Variants in KLF15 observed in about 807,000 individuals in gnomAD.
KLF15 encodes KLF transcription factor 15, also known as Krueppel-like factor 15.
In KLF15, 4 loss-of-function variants were observed where a neutral mutation model predicts 24.6. The ratio of observed to expected loss-of-function variants is 0.16; its 90% CI spans 0.08 to 0.37. The LOEUF is 0.37. KLF15 is among the 10% of genes least tolerant of loss of function. The pLI is 1.00. For synonymous variants in KLF15, 246 were observed against 236.3 expected (o/e 1.04, Z -0.37); for missense variants, 496 against 560.6 (o/e 0.88, Z 1.16).
chr3:126,291,796 TGGATCTGGCAGCACCAGGAGACGA>T, the KLF15 span, among the ~76,000 whole-genome samples: 2,244 of 152,334 alleles, frequency 0.015, 103 homozygotes, highest in South Asian at 0.084. Flanking sequence ...TCAGGCTCCA[TGGATCTGGCAGCACCAGGAGACGA>T]GGTTTCAAAT....
chr3:126,296,099 A>T, the KLF15 span, among the ~76,000 whole-genome samples: 1 of 152,232 alleles, frequency 6.6e-6, no homozygotes, highest in Non-Finnish European at 1.5e-5. Flanking sequence ...TATTATTTAA[A>T]TATTGCATAA....
chr3:126,302,672 G>C, the KLF15 span, among the ~76,000 whole-genome samples: 1 of 152,084 alleles, frequency 6.6e-6, no homozygotes, highest in Admixed American at 6.5e-5. Context: ...AATATTCTTT[G>C]CTCTGAAATT....
the KLF15 span, among the ~76,000 whole-genome samples, chr3:126,331,416 A>T: frequency 6.6e-6 from 1 of 152,250 alleles, no homozygotes; most frequent in African/African-American, 2.4e-5. Flanking sequence ...TCTTGAACAC[A>T]TCAGCTTTCA....
chr3:126,350,328 C>T (rs1407994261), intron 2 of KLF15, among the ~76,000 whole-genome samples: 3 of 152,204 alleles, frequency 2.0e-5, no homozygotes, highest in Non-Finnish European at 4.4e-5. Flanking sequence ...AGGATGGAGA[C>T]CTTGTGAGGC....
At chr3:126,299,490 C>T in the KLF15 span, among the ~76,000 whole-genome samples, 1 of 151,974 alleles carries the variant, frequency 6.6e-6, no homozygotes, top group Non-Finnish European at 1.5e-5. Context: ...TGGCTCACGC[C>T]TGTAATCCCA....
chr3:126,341,603 T>C (rs2107548866), downstream of KLF15, among the ~76,000 whole-genome samples: 1 of 152,284 alleles, frequency 6.6e-6, no homozygotes, highest in South Asian at 2.1e-4. Context: ...CCAGTCAGGA[T>C]AGGATGTCCA....
chr3:126,345,458 A>T (rs567872100), intron 2 of KLF15, among the ~76,000 whole-genome samples: 1 of 152,216 alleles, frequency 6.6e-6, no homozygotes, highest in Admixed American at 6.5e-5. Flanking sequence ...GTCAAGGAGC[A>T]GTCCCAAAGC....
chr3:126,318,342 G>A, the KLF15 span, among the ~76,000 whole-genome samples: 1 of 152,164 alleles, frequency 6.6e-6, no homozygotes, highest in East Asian at 1.9e-4. Flanking sequence ...CCAGGGATTA[G>A]CCTGGGGGTA....
the KLF15 span, among the ~76,000 whole-genome samples, chr3:126,330,754 G>A: frequency 1.3e-5 from 2 of 152,130 alleles, no homozygotes; most frequent in African/African-American, 4.8e-5. Flanking sequence ...GTGTGTTTAT[G>A]GTTGCTTCTT....
chr3:126,292,977 C>G, the KLF15 span, among the ~76,000 whole-genome samples: 1 of 151,792 alleles, frequency 6.6e-6, no homozygotes, highest in Non-Finnish European at 1.5e-5. Context: ...ATTTTGGAGG[C>G]AGAGCAAACA....
At chr3:126,338,983 G>A (rs770224006), downstream of KLF15, among the ~76,000 whole-genome samples, 2 of 152,208 alleles carry the variant, frequency 1.3e-5, no homozygotes, top group Admixed American at 6.5e-5. Flanking sequence ...CCTGGGGACC[G>A]GCTGCGATCT....
chr3:126,351,613 C>T (rs1426055396), intron 2 of KLF15, among the ~76,000 whole-genome samples: 1 of 152,204 alleles, frequency 6.6e-6, no homozygotes, highest in Non-Finnish European at 1.5e-5. Flanking sequence ...TGAAGCCTTA[C>T]CTGGCCATCA....
the KLF15 span, among the ~76,000 whole-genome samples, chr3:126,315,548 G>A: frequency 6.6e-6 from 1 of 152,200 alleles, no homozygotes; most frequent in African/African-American, 2.4e-5. Flanking sequence ...AGTGAAGAGG[G>A]AAGTCAGGGG....
Position 126,343,592 on chromosome 3 carries a change from A to C in KLF15, c.*135T>G. 1 of 896,680 alleles carries C rather than the reference A, an allele frequency of 1.1e-6. No individual in the cohort carries two copies. Among genetic ancestry groups the C allele is most frequent in the Non-Finnish European group, 1.7e-6 (1 of 591,992 alleles). The allele number at this position is 896,680 out of a possible 1,614,324, so 55.5% of individuals were successfully genotyped here. ...GCAGCGGTTGGCGGGCCCTGGGTTC[A>C]CACCTCCCAGGCTTCAGAAGGTGGG... On this transcript the variant is annotated 3_prime_UTR_variant, in exon 3 of 3. Transcript: ENST00000296233.
the KLF15 span, among the ~76,000 whole-genome samples, chr3:126,328,340 C>G: frequency 1.3e-5 from 2 of 152,038 alleles, no homozygotes; most frequent in African/African-American, 4.8e-5. Context: ...GACTGATGGG[C>G]TTTTGGGTTG....
the KLF15 span, among the ~76,000 whole-genome samples, chr3:126,296,545 G>A: frequency 6.6e-6 from 1 of 152,244 alleles, no homozygotes; most frequent in African/African-American, 2.4e-5. Flanking sequence ...ATATTTCTTA[G>A]CAATTTAGAT....
the KLF15 span, among the ~76,000 whole-genome samples, chr3:126,332,040 C>T: frequency 2.0e-5 from 3 of 152,330 alleles, no homozygotes; most frequent in Non-Finnish European, 2.9e-5. Context: ...ACAAAGCAGC[C>T]AGGAAGCTCG....
the KLF15 span, among the ~76,000 whole-genome samples, chr3:126,331,160 C>G: frequency 4.9e-4 from 74 of 152,262 alleles, no homozygotes; most frequent in African/African-American, 1.5e-3. Flanking sequence ...AGTCACCAGC[C>G]CCCATCATGA....
At chr3:126,355,442 G>A (rs997572060) in intron 1 of KLF15, among the ~76,000 whole-genome samples, 1 of 152,164 alleles carries the variant, frequency 6.6e-6, no homozygotes, top group African/African-American at 2.4e-5. Context: ...GCCTCAGCCC[G>A]GGGCCACTGC....
Sources: gnomAD v4.1 joint callset for allele counts (sites outside exome capture counted in the v4.1 genomes callset) on GRCh38, gnomAD v4.1.1 for gene constraint, MANE v1.5 for transcripts, NCBI Gene and HGNC (gene_info 2026-07-23, HGNC 2026-07-21) for gene names.